ZNF540: variants seen among roughly 807,000 people sequenced by gnomAD.
The protein encoded by ZNF540 is CTD-3064H18.6.
Under a neutral mutation model 11.8 loss-of-function variants are expected in ZNF540, and 3 were observed. The ratio of observed to expected loss-of-function variants is 0.25; its 90% CI spans 0.12 to 0.65. ZNF540 has a LOEUF of 0.65. ZNF540 is among the 30% of genes least tolerant of loss of function. The pLI, the probability that ZNF540 is intolerant of heterozygous loss-of-function variation, is 0.83. For synonymous variants in ZNF540, 247 were observed against 259.0 expected, an observed-to-expected ratio of 0.95 and a Z score of 0.45; for missense variants, 709 against 793.1, an observed-to-expected ratio of 0.89 and a Z score of 1.27.
At chr19:37,566,242 A>T in intron 1 of ZNF540, 1 of 1,613,482 alleles carries the variant, frequency 6.2e-7, no homozygotes, top group Non-Finnish European at 8.5e-7. Flanking sequence ...CCATTTCATA[A>T]ATTTCCTTTT....
chr19:37,555,186 G>A (rs903037628), intron 1 of ZNF540: 2 of 152,184 alleles, frequency 1.3e-5, no homozygotes, highest in African/African-American at 4.8e-5. Flanking sequence ...GATGGAGTCT[G>A]TCTGGCTCTC....
chr19:37,566,188 GT>G (rs1568342398), intron 1 of ZNF540: 1 of 1,613,948 alleles, frequency 6.2e-7, no homozygotes, highest in Admixed American at 1.7e-5. Context: ...TGTATTGAAG[GT>G]GATGGTTGAT....
chr19:37,608,954 T>G (rs2044106163), intron 4 of ZNF540, among the ~76,000 whole-genome samples: 1 of 152,138 alleles, frequency 6.6e-6, no homozygotes, highest in South Asian at 2.1e-4. Context: ...ATTTAGATTT[T>G]TTTAGGCTCT....
chr19:37,597,142 A>C (rs2044002532), intron 1 of ZNF540, among the ~76,000 whole-genome samples: 1 of 152,008 alleles, frequency 6.6e-6, no homozygotes, highest in Non-Finnish European at 1.5e-5. Context: ...GCTATATATA[A>C]GGTATGCATC....
At chr19:37,563,827 CCACATACACACATGTGG>C (rs1380594952) in intron 1 of ZNF540, 1 of 16,676 alleles carries the variant, frequency 6.0e-5, no homozygotes, top group African/African-American at 2.6e-4. Flanking sequence ...TGTATATATT[CCACATACACACATGTGG>C]AATATATGTA....
chr19:37,577,157 G>A (rs2147180374), intron 1 of ZNF540, among the ~76,000 whole-genome samples: 1 of 152,090 alleles, frequency 6.6e-6, no homozygotes, highest in East Asian at 1.9e-4. Context: ...ATTAAGAACA[G>A]AGAGCTTAAT....
At chr19:37,605,540 C>T (rs538083182) in intron 4 of ZNF540, among the ~76,000 whole-genome samples, 28 of 152,110 alleles carry the variant, frequency 1.8e-4, no homozygotes, top group Admixed American at 5.9e-4. Flanking sequence ...CCCAGCTACC[C>T]GGGAAGCTGA....
intron 1 of ZNF540, among the ~76,000 whole-genome samples, chr19:37,552,816 G>C (rs1210326471): frequency 6.6e-6 from 1 of 151,956 alleles, no homozygotes; most frequent in African/African-American, 2.4e-5. Flanking sequence ...GTGTGGTGGC[G>C]TGCGCCTGTA....
chr19:37,556,955 C>G (rs1398127900), intron 1 of ZNF540, among the ~76,000 whole-genome samples: 1 of 152,180 alleles, frequency 6.6e-6, no homozygotes, highest in Non-Finnish European at 1.5e-5. Flanking sequence ...GAATGTTTAA[C>G]GCCTTACTGA....
At chr19:37,600,298 T>G (rs1339780331) in intron 3 of ZNF540, among the ~76,000 whole-genome samples, 1 of 152,200 alleles carries the variant, frequency 6.6e-6, no homozygotes, top group Non-Finnish European at 1.5e-5. Context: ...TGGGATCAAA[T>G]GTACCTCAAA....
At chr19:37,566,604 G>T (rs8101610) in intron 1 of ZNF540, 62,020 of 219,358 alleles carry the variant, frequency 0.28, 10,270 homozygotes, top group Non-Finnish European at 0.37. Flanking sequence ...ATGTGTAGCT[G>T]GACATACAAT....
intron 1 of ZNF540, among the ~76,000 whole-genome samples, chr19:37,553,925 G>A (rs1049582517): frequency 1.3e-5 from 2 of 152,018 alleles, no homozygotes; most frequent in African/African-American, 2.4e-5. Context: ...ATTTCCATTC[G>A]TATGTATGAA....
At chr19:37,609,551 C>A (rs8103647) in intron 4 of ZNF540, among the ~76,000 whole-genome samples, 38,301 of 146,476 alleles carry the variant, frequency 0.26, 5,543 homozygotes, top group East Asian at 0.64. Context: ...TCTTGGGGGG[C>A]AAAAAAAGTA....
intron 1 of ZNF540, among the ~76,000 whole-genome samples, chr19:37,560,240 T>C (rs1312398441): frequency 1.3e-5 from 2 of 150,888 alleles, no homozygotes; most frequent in East Asian, 3.9e-4. Context: ...ATTGCGCCAC[T>C]GCACTCCAGC....
intron 1 of ZNF540, among the ~76,000 whole-genome samples, chr19:37,558,493 T>C (rs2042684608): frequency 6.6e-6 from 1 of 152,098 alleles, no homozygotes; most frequent in African/African-American, 2.4e-5. Flanking sequence ...ATGACTTCAT[T>C]CGCCTTAGAC....
At chr19:37,556,613 C>T (rs980816908) in intron 1 of ZNF540, among the ~76,000 whole-genome samples, 4 of 152,166 alleles carry the variant, frequency 2.6e-5, no homozygotes, top group African/African-American at 9.7e-5. Context: ...GAATTGGATT[C>T]GGATGGGTTC....
At chr19:37,595,799 A>T (rs2043987408) in intron 1 of ZNF540, among the ~76,000 whole-genome samples, 1 of 152,212 alleles carries the variant, frequency 6.6e-6, no homozygotes, top group Non-Finnish European at 1.5e-5. Context: ...GGCTGGTTTG[A>T]CTGAGGAACG....
At chr19:37,598,883 T>C (rs1012258160) in intron 2 of ZNF540, among the ~76,000 whole-genome samples, 2 of 152,194 alleles carry the variant, frequency 1.3e-5, no homozygotes, top group East Asian at 3.8e-4. Flanking sequence ...CCAGGGGATC[T>C]TTCCTGAGAA....
chr19:37,572,763 A>G (rs2043108711), intron 1 of ZNF540, among the ~76,000 whole-genome samples: 1 of 152,224 alleles, frequency 6.6e-6, no homozygotes, highest in African/African-American at 2.4e-5. Flanking sequence ...AATAAAATTA[A>G]TTAATTTCTT....
Sources: gnomAD v4.1 joint callset for allele counts (sites outside exome capture counted in the v4.1 genomes callset) on GRCh38, gnomAD v4.1.1 for gene constraint, MANE v1.5 for transcripts, NCBI Gene and HGNC (gene_info 2026-07-23, HGNC 2026-07-21) for gene names.